Variants in UHRF1 observed in about 807,000 individuals in gnomAD.
UHRF1 encodes the protein E3 ubiquitin-protein ligase UHRF1.
In UHRF1, 9 loss-of-function variants were observed where a neutral mutation model predicts 96.5. The observed-to-expected ratio is 0.09, with a 90% confidence interval of 0.06 to 0.16. UHRF1 has a LOEUF of 0.16. UHRF1 is among the 10% of genes least tolerant of loss of function. UHRF1 has a pLI of 1.00. For missense variants in UHRF1, 626 were observed against 1,131.1 expected, an observed-to-expected ratio of 0.55 and a Z score of 6.40; for synonymous variants, 455 against 469.9, an observed-to-expected ratio of 0.97 and a Z score of 0.41.
In UHRF1 at chr19:4,941,760, C is replaced by A; in HGVS notation, c.902C>A (p.Ser301Tyr). The A allele has an allele frequency of 6.4e-7, 1 of 1,551,870 alleles. No homozygotes were observed. The highest frequency in any genetic ancestry group is 8.7e-7 in the Non-Finnish European group (1 of 1,147,896). Reference protein sequence around the residue: ...DNPMRRKSGPSCKHCKDDVNR... With the variant: ...DNPMRRKSGPYCKHCKDDVNR... ...CCGTGCCCAGGGAAGAGCGGGCCGT[C>A]CTGCAAGCACTGCAAGGACGACGTG... is the stretch of plus-strand genomic sequence containing the variant. The change falls in exon 7 of 17, where the codon TCC (serine) becomes TAC (tyrosine). Residue 301 changes from serine to tyrosine, a missense_variant. Transcript: ENST00000650932.
intron 5 of UHRF1, among the ~76,000 whole-genome samples, chr19:4,934,857 G>T (rs780928222): frequency 2.0e-5 from 3 of 152,178 alleles, no homozygotes; most frequent in Non-Finnish European, 4.4e-5. Context: ...CCTTAAGCGC[G>T]TGGCTCGGGT....
chr19:4,937,284 G>T (rs2033245302), intron 5 of UHRF1, among the ~76,000 whole-genome samples: 1 of 142,742 alleles, frequency 7.0e-6, no homozygotes, highest in Non-Finnish European at 1.5e-5. Context: ...CTGTGGTATA[G>T]ATGGGCCACT....
At chr19:4,909,922 A>T (rs2032187916) in intron 1 of UHRF1, among the ~76,000 whole-genome samples, 1 of 148,694 alleles carries the variant, frequency 6.7e-6, no homozygotes, top group African/African-American at 2.5e-5. Context: ...GCCGGGGAGG[A>T]TGTCAGGCTC....
intron 2 of UHRF1, 91 bp downstream of exon 2, chr19:4,911,129 C>T: frequency 7.9e-7 from 1 of 1,272,428 alleles, no homozygotes; most frequent in Non-Finnish European, 1.1e-6. Context: ...TCCCACCTCC[C>T]CCCCCAACAA....
chr19:4,942,558 C>T (rs955990174), intron 7 of UHRF1, among the ~76,000 whole-genome samples: 1 of 152,104 alleles, frequency 6.6e-6, no homozygotes, highest in Non-Finnish European at 1.5e-5. Context: ...AAGCAATTCT[C>T]GTGCCTCAGC....
At chr19:4,931,159 G>C (rs1199229643) in intron 4 of UHRF1, among the ~76,000 whole-genome samples, 1 of 152,130 alleles carries the variant, frequency 6.6e-6, no homozygotes, top group Non-Finnish European at 1.5e-5. Context: ...TTCCGGGTTT[G>C]TCATCTCTCC....
In UHRF1 at chr19:4,960,667, A is replaced by T; in HGVS notation, c.2246A>T (p.Asp749Val). 1 of 1,612,354 alleles carries T rather than the reference A, an allele frequency of 6.2e-7. No homozygotes were observed. Among genetic ancestry groups the T allele is most frequent in the Non-Finnish European group, 8.5e-7 (1 of 1,179,296 alleles). Residue 749 changes from aspartate to valine, a missense_variant, in exon 17 of 17, where the codon GAC becomes GTC. By Grantham distance (152) the Asp-to-Val change is radical. Around this residue, in one of 11 missense-constraint regions of UHRF1, gnomAD observed 84 missense variants for 150.3 expected, o/e 0.56. Transcript: ENST00000650932. ...TGCTGTGTCTTACAGGACTGCCTGG[A>T]CAGATCCTTTCGGGCACAGGTGTTC... ...CQHNVCKDCL[D>V]RSFRAQVFSC...
upstream of UHRF1, among the ~76,000 whole-genome samples, chr19:4,908,376 C>T (rs149958573): frequency 2.7e-4 from 41 of 152,208 alleles, no homozygotes; most frequent in African/African-American, 8.9e-4. Flanking sequence ...GGGAACTCAA[C>T]ATTTTTCTGC....
upstream of UHRF1, among the ~76,000 whole-genome samples, chr19:4,906,576 A>G (rs1468746721): frequency 6.6e-6 from 1 of 152,126 alleles, no homozygotes; most frequent in Non-Finnish European, 1.5e-5. Flanking sequence ...CAATGTGGTG[A>G]AACCCCATCT....
At chr19:4,916,065 T>C (rs1382639413) in intron 2 of UHRF1, among the ~76,000 whole-genome samples, 2 of 151,944 alleles carry the variant, frequency 1.3e-5, no homozygotes, top group African/African-American at 4.8e-5. Context: ...ATCCCAGCAC[T>C]TTGGGAGGCT....
chr19:4,952,780 C>T (rs2033753253), intron 13 of UHRF1, among the ~76,000 whole-genome samples: 1 of 151,756 alleles, frequency 6.6e-6, no homozygotes, highest in Non-Finnish European at 1.5e-5. Flanking sequence ...TCAGACGTGA[C>T]TTATAGGTAC....
chr19:4,937,555 G>A (rs1208869185), intron 5 of UHRF1, among the ~76,000 whole-genome samples: 2 of 151,930 alleles, frequency 1.3e-5, no homozygotes, highest in Non-Finnish European at 2.9e-5. Context: ...GTAGAGGTGG[G>A]GTTTCTCCAT....
rs1391848191 is a variant in UHRF1, at chr19:4,954,663, C to T, written c.1971C>T (p.Ser657=). Residue 657 remains serine (S), a synonymous_variant, in exon 15 of 17, where the codon AGC becomes AGT. Transcript: ENST00000650932. The surrounding 1 kb of genome is among the most constrained non-coding windows in gnomAD (Gnocchi z 5.9). ...WKRKSAGGGP[S]RAGSPRRTSK... is the part of the protein sequence containing the mutation. ...ACCCTCTTCCAGGAGGTGGCCCGAGCAGGGCCGGGTCCCCGCGCCGGACAT... is the reference window on the plus strand; with the variant it reads ...ACCCTCTTCCAGGAGGTGGCCCGAGTAGGGCCGGGTCCCCGCGCCGGACAT... The T allele has an allele frequency of 9.3e-6, 15 of 1,612,462 alleles. No individual in the cohort carries two copies. Among genetic ancestry groups the T allele is most frequent in the Non-Finnish European group, 1.3e-5 (15 of 1,179,336 alleles).
intron 5 of UHRF1, among the ~76,000 whole-genome samples, chr19:4,936,272 G>T (rs113305117): frequency 0.016 from 2,364 of 152,220 alleles, 31 homozygotes; most frequent in Middle Eastern, 0.058. Flanking sequence ...TAGCACCTTC[G>T]ACTTCTATCA....
chr19:4,910,988 C>A lies in UHRF1; in HGVS notation c.103C>A (p.Leu35Met). 6.2e-7 allele frequency: 1 copy of A among 1,612,378 alleles called. No homozygotes were observed. Among genetic ancestry groups the A allele is most frequent in the South Asian group, 1.1e-5 (1 of 90,882 alleles). ...GGAGCTGAGGCGGAAGATCCAGGAG[C>A]TGTTCCACGTGGAGCCAGGCCTGCA... is the stretch of plus-strand genomic sequence containing the variant. ...VEELRRKIQE[L>M]FHVEPGLQRL... Residue 35 changes from leucine (L) to methionine (M), a missense_variant, in exon 2 of 17, where the codon CTG becomes ATG. Transcript: ENST00000650932.
chr19:4,907,413 C>T (rs777801184), upstream of UHRF1, among the ~76,000 whole-genome samples: 3 of 152,044 alleles, frequency 2.0e-5, no homozygotes, highest in East Asian at 1.9e-4. Context: ...GGATTACAGG[C>T]GCCGGCCACC....
intron 5 of UHRF1, among the ~76,000 whole-genome samples, chr19:4,934,122 C>T (rs1360906631): frequency 4.0e-5 from 6 of 151,634 alleles, no homozygotes; most frequent in Non-Finnish European, 8.8e-5. Context: ...CTTCCAGGTT[C>T]AGGTGATTCT....
At chr19:4,928,056 G>A (rs1190675304) in intron 2 of UHRF1, among the ~76,000 whole-genome samples, 1 of 152,112 alleles carries the variant, frequency 6.6e-6, no homozygotes, top group East Asian at 1.9e-4. Flanking sequence ...AGTTTCTTGG[G>A]GGCCTGTGGA....
chr19:4,924,442 C>T (rs948139666), intron 2 of UHRF1, among the ~76,000 whole-genome samples: 13 of 152,196 alleles, frequency 8.5e-5, no homozygotes. Flanking sequence ...AGCCACCGCA[C>T]CCGGCCAATT....
Sources: gnomAD v4.1 joint callset for allele counts (sites outside exome capture counted in the v4.1 genomes callset) on GRCh38, gnomAD v4.1.1 for gene constraint, gnomAD v4.1.1 regional missense constraint, Gnocchi (gnomAD v3.1) non-coding constraint, MANE v1.5 for transcripts, NCBI Gene and HGNC (gene_info 2026-07-23, HGNC 2026-07-21) for gene names.